Variants in EFCAB5 observed in about 807,000 individuals in gnomAD.
EFCAB5 encodes the protein EF-hand calcium-binding domain-containing protein 5.
A neutral mutation model predicts 167.9 loss-of-function variants in EFCAB5; 131 were observed. The observed-to-expected ratio is 0.78, with a 90% CI of 0.68 to 0.90. The LOEUF is 0.90. Ranked by LOEUF, EFCAB5 falls within the 40% of genes least tolerant of loss-of-function variation. The pLI, the probability that EFCAB5 is intolerant of heterozygous loss-of-function variation, is 0.00. For synonymous variants in EFCAB5, 574 were observed against 602.8 expected (o/e 0.95, Z 0.70); for missense variants, 1,663 against 1,745.2 (o/e 0.95, Z 0.84).
At chr17:30,048,935 G>C (rs1257055370) in intron 8 of EFCAB5, among the ~76,000 whole-genome samples, 1 of 152,022 alleles carries the variant, frequency 6.6e-6, no homozygotes, top group Admixed American at 6.6e-5. Context: ...AGTTTACAAG[G>C]ACCAAAAGAA....
At chr17:30,045,216 G>A (rs746358375) in intron 8 of EFCAB5, among the ~76,000 whole-genome samples, 5 of 152,092 alleles carry the variant, frequency 3.3e-5, no homozygotes, top group Non-Finnish European at 5.9e-5. Context: ...CTAGCACTTT[G>A]GAGGCCAAGG....
Position 30,054,048 on chromosome 17 carries a change from G to C in EFCAB5, c.2094G>C (p.Gln698His). 6.2e-7 allele frequency: 1 copy of C among 1,602,686 alleles called. No homozygotes were observed. The change falls in exon 10 of 23, where the codon CAG becomes CAC. Residue 698 changes from glutamine to histidine, a missense_variant. By Grantham distance (24) the Gln-to-His change is conservative. Transcript: ENST00000394835. ...ITSEYIEVPL[Q>H]EKRSWEQTYE... is the part of the protein sequence containing the mutation. ...CTGAGTACATTGAAGTCCCTCTACA[G>C]GAAAAGAGGTCTTGGGAACAAACAT...
At chr17:30,096,677 A>ATATATATATTTTT (rs1193558323) in intron 22 of EFCAB5, among the ~76,000 whole-genome samples, 21 of 60,128 alleles carry the variant, frequency 3.5e-4, no homozygotes, top group African/African-American at 1.8e-3. Context: ...ATATATATAT[A>ATATATATATTTTT]TTTTTTTTTT....
At chr17:30,008,758 G>A (rs1439761353) in intron 7 of EFCAB5, among the ~76,000 whole-genome samples, 3 of 152,080 alleles carry the variant, frequency 2.0e-5, no homozygotes, top group African/African-American at 7.2e-5. Flanking sequence ...TTTGGTAGCA[G>A]CTTTATTCAG....
Position 30,081,231 on chromosome 17 carries a change from A to C in EFCAB5, c.3426+250A>C, listed in dbSNP as rs1420775519. Among the ~76,000 whole-genome samples, 2 of 152,240 alleles carry C rather than the reference A, an allele frequency of 1.3e-5. 1 individual carries two copies. The highest frequency in any genetic ancestry group is 3.8e-4 in the East Asian group (2 of 5,204). On this transcript the variant is annotated intron_variant, in intron 17 of 22. Transcript: ENST00000394835. ...GTCCCATAGCATTAATCACAGGAAT[A>C]GAATTTTATGCTACAGAACAGAAAT... is the stretch of plus-strand genomic sequence containing the variant.
intron 8 of EFCAB5, among the ~76,000 whole-genome samples, chr17:30,036,119 A>G (rs2069609758): frequency 7.0e-6 from 1 of 143,652 alleles, no homozygotes; most frequent in African/African-American, 2.5e-5. Flanking sequence ...TAATATATAA[A>G]TATATATGAG....
intron 7 of EFCAB5, among the ~76,000 whole-genome samples, chr17:30,015,187 TC>T (rs1349023951): frequency 2.6e-5 from 4 of 152,210 alleles, no homozygotes; most frequent in African/African-American, 9.7e-5. Flanking sequence ...ATGATGGGCT[TC>T]CCTTTGTGGG....
chr17:30,085,125 T>A (rs142366116), intron 18 of EFCAB5, among the ~76,000 whole-genome samples: 1 of 152,178 alleles, frequency 6.6e-6, no homozygotes, highest in African/African-American at 2.4e-5. Flanking sequence ...GGCAATCTGC[T>A]TCCTTGTGAT....
chr17:30,049,982 G>GT (rs950884294), intron 8 of EFCAB5, among the ~76,000 whole-genome samples: 20 of 151,300 alleles, frequency 1.3e-4, no homozygotes, highest in South Asian at 2.1e-4. Flanking sequence ...CAATAGAGGA[G>GT]TTTTTTTTTA....
At chr17:30,033,313 T>G (rs1057396383) in intron 7 of EFCAB5, among the ~76,000 whole-genome samples, 2 of 151,982 alleles carry the variant, frequency 1.3e-5, no homozygotes, top group Admixed American at 1.3e-4. Flanking sequence ...CTCCTGACCT[T>G]GTGATCCGCC....
At chr17:30,055,861 A>T in intron 10 of EFCAB5, 27 bp from the exon 11 acceptor site, 1 of 1,605,664 alleles carries the variant, frequency 6.2e-7, no homozygotes, top group Non-Finnish European at 8.5e-7. Context: ...TGTCTAATTC[A>T]TAAGCATTTT....
chr17:30,024,264 A>C (rs1409488820), intron 7 of EFCAB5, among the ~76,000 whole-genome samples: 1 of 152,092 alleles, frequency 6.6e-6, no homozygotes, highest in East Asian at 1.9e-4. Context: ...AGATGACATG[A>C]TTGTATATCT....
chr17:29,940,180 A>G (rs942842652), upstream of EFCAB5, among the ~76,000 whole-genome samples: 21 of 150,626 alleles, frequency 1.4e-4, no homozygotes, highest in Non-Finnish European at 2.5e-4. Flanking sequence ...GGTTCAAGCC[A>G]TTTTCCTGCC....
Position 30,053,958 on chromosome 17 carries a change from C to T in EFCAB5, c.2004C>T (p.Gly668=). Reference sequence around the variant, plus strand: ...TTTCAGAAGAGCAAGAAGACATAGGCTCAACTTCACAATCAAGAAAAGATA... The same window carrying T: ...TTTCAGAAGAGCAAGAAGACATAGGTTCAACTTCACAATCAAGAAAAGATA... ...EIISEEQEDI[G]STSQSRKDSI... Residue 668 remains glycine, a synonymous_variant, in exon 10 of 23, where the codon GGC becomes GGT. Transcript: ENST00000394835. 6.2e-7 allele frequency: 1 copy of T among 1,613,892 alleles called. No individual in the cohort carries two copies. Among genetic ancestry groups the T allele is most frequent in the Non-Finnish European group, 8.5e-7 (1 of 1,179,860 alleles).
intron 1 of EFCAB5, chr17:29,930,228 T>G (rs746346775): frequency 1.8e-6 from 1 of 549,334 alleles, no homozygotes; most frequent in Non-Finnish European, 3.2e-6. Flanking sequence ...CGGGGCACAA[T>G]GAGCGCTCCC....
At chr17:30,055,769 A>C in intron 10 of EFCAB5, 119 bp from the exon 11 acceptor site, 5 of 994,412 alleles carry the variant, frequency 5.0e-6, no homozygotes, top group Non-Finnish European at 5.9e-6. Context: ...CATATATGGG[A>C]AAGTACTTAG....
intron 14 of EFCAB5, among the ~76,000 whole-genome samples, chr17:30,063,490 G>A (rs543321270): frequency 3.3e-4 from 51 of 152,264 alleles, no homozygotes; most frequent in Non-Finnish European, 4.6e-4. Flanking sequence ...CCCCCCAGGG[G>A]TAGAATCACA....
intron 3 of EFCAB5, among the ~76,000 whole-genome samples, chr17:29,962,427 T>C (rs1045233483): frequency 4.6e-5 from 7 of 152,286 alleles, no homozygotes; most frequent in African/African-American, 1.4e-4. Flanking sequence ...AAGTATTCTA[T>C]TCTTTTAGCT....
chr17:30,084,568 C>T (rs999975347), intron 18 of EFCAB5, among the ~76,000 whole-genome samples: 4 of 152,108 alleles, frequency 2.6e-5, no homozygotes, highest in Non-Finnish European at 5.9e-5. Context: ...AGAGAAGGAC[C>T]ACCCAGCAGT....
Sources: allele counts gnomAD v4.1 joint callset (sites outside exome capture counted in the v4.1 genomes callset), GRCh38; gene constraint gnomAD v4.1.1; transcripts MANE v1.5; gene names NCBI Gene and HGNC (gene_info 2026-07-23, HGNC 2026-07-21).